Variants in SPAG16 observed in about 807,000 individuals in gnomAD.
SPAG16 encodes the protein sperm-associated antigen 16 protein.
Under a neutral mutation model 80.4 loss-of-function variants are expected in SPAG16, and 86 were observed. The ratio of observed to expected loss-of-function variants is 1.07; its 90% CI spans 0.90 to 1.28. The LOEUF is 1.28. SPAG16 is among the 50% of genes most tolerant of loss of function. The pLI is 0.00. For synonymous variants in SPAG16, 294 were observed against 265.9 expected, an observed-to-expected ratio of 1.11 and a Z score of -1.03; for missense variants, 870 against 765.3, an observed-to-expected ratio of 1.14 and a Z score of -1.61.
chr2:213,690,921 T>C (rs1261363944), intron 10 of SPAG16, among the ~76,000 whole-genome samples: 1 of 152,110 alleles, frequency 6.6e-6, no homozygotes, highest in Admixed American at 6.6e-5. Context: ...TACTGGCTTC[T>C]CTCTTTCTCT....
At chr2:213,824,269 G>C (rs2073131883) in intron 10 of SPAG16, among the ~76,000 whole-genome samples, 1 of 152,052 alleles carries the variant, frequency 6.6e-6, no homozygotes, top group Non-Finnish European at 1.5e-5. Flanking sequence ...TATACTACAA[G>C]GCTATGGTAC....
intron 9 of SPAG16, among the ~76,000 whole-genome samples, chr2:213,403,450 C>A (rs2068438404): frequency 6.6e-6 from 1 of 152,076 alleles, no homozygotes; most frequent in Admixed American, 6.6e-5. Context: ...GAACCAAAGA[C>A]AAAAACCACC....
intron 10 of SPAG16, among the ~76,000 whole-genome samples, chr2:213,851,784 A>C (rs1896276): frequency 0.25 from 38,135 of 152,138 alleles, 5,286 homozygotes; most frequent in South Asian, 0.38. Flanking sequence ...AGCTTTTATG[A>C]CTACCCTCTA....
intron 15 of SPAG16, among the ~76,000 whole-genome samples, chr2:214,161,921 G>A (rs1293316328): frequency 6.6e-6 from 1 of 151,802 alleles, no homozygotes; most frequent in Admixed American, 6.6e-5. Context: ...TATTTTTTTG[G>A]AGGAGGGATT....
chr2:213,543,392 A>G (rs1424731761), intron 10 of SPAG16, among the ~76,000 whole-genome samples: 3 of 151,924 alleles, frequency 2.0e-5, no homozygotes, highest in Non-Finnish European at 2.9e-5. Flanking sequence ...GTTAATTTCA[A>G]CTATGGTGTC....
intron 13 of SPAG16, among the ~76,000 whole-genome samples, chr2:214,097,140 A>C (rs2052645427): frequency 6.6e-6 from 1 of 152,070 alleles, no homozygotes; most frequent in Non-Finnish European, 1.5e-5. Flanking sequence ...GGTAGTAGCC[A>C]TAATAGAGAC....
intron 6 of SPAG16, among the ~76,000 whole-genome samples, chr2:213,349,206 A>G (rs1193278285): frequency 6.6e-6 from 1 of 152,228 alleles, no homozygotes. Flanking sequence ...TTAAATTGAA[A>G]TTGATGGCTT....
intron 12 of SPAG16, among the ~76,000 whole-genome samples, chr2:214,005,655 A>C (rs1026728565): frequency 6.6e-6 from 1 of 152,192 alleles, no homozygotes; most frequent in Non-Finnish European, 1.5e-5. Context: ...ACTGAATTTC[A>C]TGGCTACAAA....
At chr2:213,315,686 A>G (rs902510621) in intron 4 of SPAG16, among the ~76,000 whole-genome samples, 1 of 51,828 alleles carries the variant, frequency 1.9e-5, no homozygotes, top group African/African-American at 6.3e-5. Flanking sequence ...GCATGACTCT[A>G]TTGAAAACTT....
At chr2:213,543,078 A>C (rs543046751) in intron 10 of SPAG16, among the ~76,000 whole-genome samples, 1 of 152,062 alleles carries the variant, frequency 6.6e-6, no homozygotes, top group African/African-American at 2.4e-5. Flanking sequence ...TTAAAAGATA[A>C]TCAGAAAGTA....
At chr2:213,367,631 G>A in intron 8 of SPAG16, among the ~76,000 whole-genome samples, 1 of 151,896 alleles carries the variant, frequency 6.6e-6, no homozygotes, top group East Asian at 1.9e-4. Flanking sequence ...TGTTGATGGG[G>A]TTGTTTGTTT....
chr2:213,894,822 C>A (rs1468903974), intron 11 of SPAG16, among the ~76,000 whole-genome samples: 1 of 151,368 alleles, frequency 6.6e-6, no homozygotes, highest in Non-Finnish European at 1.5e-5. Flanking sequence ...AACCACATCT[C>A]TACTAAAAAT....
chr2:213,890,822 A>G (rs1407427306), intron 11 of SPAG16, among the ~76,000 whole-genome samples: 1 of 151,804 alleles, frequency 6.6e-6, no homozygotes, highest in Non-Finnish European at 1.5e-5. Context: ...CTATCTTTTC[A>G]TTAGTTAAAT....
At chr2:213,987,381 A>G (rs1445954667) in intron 12 of SPAG16, among the ~76,000 whole-genome samples, 2 of 152,042 alleles carry the variant, frequency 1.3e-5, no homozygotes, top group African/African-American at 2.4e-5. Flanking sequence ...GGATCTAGCA[A>G]TCGTGTAATT....
intron 9 of SPAG16, among the ~76,000 whole-genome samples, chr2:213,423,413 T>G (rs1266889217): frequency 6.6e-6 from 1 of 152,130 alleles, no homozygotes; most frequent in Non-Finnish European, 1.5e-5. Flanking sequence ...AGGATAGCAG[T>G]GTGTTGAAAA....
intron 11 of SPAG16, among the ~76,000 whole-genome samples, chr2:213,894,534 A>T (rs1219974686): frequency 6.6e-6 from 1 of 152,168 alleles, no homozygotes; most frequent in African/African-American, 2.4e-5. Flanking sequence ...TTGGAGAAAA[A>T]GACAAGGATG....
chr2:214,334,318 G>C (rs746886421), intron 15 of SPAG16, among the ~76,000 whole-genome samples: 1 of 152,134 alleles, frequency 6.6e-6, no homozygotes, highest in Non-Finnish European at 1.5e-5. Context: ...GCGAATAAGG[G>C]GAGTACTAAA....
At chr2:213,897,391 A>G (rs964599033) in intron 11 of SPAG16, among the ~76,000 whole-genome samples, 1 of 152,184 alleles carries the variant, frequency 6.6e-6, no homozygotes, top group Admixed American at 6.5e-5. Flanking sequence ...CTTATTGTGC[A>G]GACTGGGTTT....
At chr2:214,239,282 A>G (rs1689301430) in intron 15 of SPAG16, 1 of 152,120 alleles carries the variant, frequency 6.6e-6, no homozygotes, top group Admixed American at 6.5e-5. Flanking sequence ...AATCCTCCCA[A>G]AGTGCTAGGA....
Sources: gnomAD v4.1 joint callset for allele counts (sites outside exome capture counted in the v4.1 genomes callset) on GRCh38, gnomAD v4.1.1 for gene constraint, MANE v1.5 for transcripts, NCBI Gene and HGNC (gene_info 2026-07-23, HGNC 2026-07-21) for gene names.